Variants in STK24 observed in about 807,000 individuals in gnomAD.
The protein encoded by STK24 is serine/threonine-protein kinase 24.
Under a neutral mutation model 55.6 loss-of-function variants are expected in STK24, and 21 were observed. The observed-to-expected ratio is 0.38, with a 90% CI of 0.27 to 0.54. STK24 has a LOEUF of 0.54. Ranked by LOEUF, STK24 falls within the 20% of genes least tolerant of loss-of-function variation. The pLI, the probability that STK24 is intolerant of heterozygous loss-of-function variation, is 0.79. For synonymous variants in STK24, 200 were observed against 215.2 expected (o/e 0.93, Z 0.62); for missense variants, 383 against 538.4 (o/e 0.71, Z 2.86).
chr13:98,482,177 G>A, intron 3 of STK24, 88 bp downstream of exon 3: 2 of 662,196 alleles, frequency 3.0e-6, no homozygotes, highest in South Asian at 3.3e-5. Context: ...GAAAGAAAAA[G>A]AAATGGATAC....
At chr13:98,522,695 CT>C (rs1401141484) in intron 1 of STK24, among the ~76,000 whole-genome samples, 1 of 152,242 alleles carries the variant, frequency 6.6e-6, no homozygotes, top group East Asian at 1.9e-4. Context: ...CTTTGCTCAG[CT>C]GCAAGCTGAA....
chr13:98,575,998 AAG>A, intron 1 of STK24: 1 of 984,896 alleles, frequency 1.0e-6, no homozygotes. Flanking sequence ...CAAGTACCGA[AAG>A]AGAGGTTTAC....
At chr13:98,503,831 T>A (rs765368645) in intron 2 of STK24, among the ~76,000 whole-genome samples, 13 of 152,354 alleles carry the variant, frequency 8.5e-5, no homozygotes, top group Non-Finnish European at 1.8e-4. Flanking sequence ...TGTTCAGAGA[T>A]GTGACTGCCC....
chr13:98,512,589 T>TA (rs1248688301), intron 2 of STK24, among the ~76,000 whole-genome samples: 52 of 129,522 alleles, frequency 4.0e-4, no homozygotes, highest in African/African-American at 1.4e-3. Context: ...TTTTTTTTTT[T>TA]AAAAAGGGAA....
At chr13:98,530,116 C>T (rs566775174) in intron 1 of STK24, among the ~76,000 whole-genome samples, 5 of 28,422 alleles carry the variant, frequency 1.8e-4, no homozygotes, top group Non-Finnish European at 5.0e-4. Context: ...CACACACACA[C>T]GCACACACAC....
At position 98,510,400 on chromosome 13, in the gene STK24, A is replaced by G. The variant is rs1216453887; in HGVS notation, c.273+8843T>C. Among the ~76,000 whole-genome samples, 4 of 152,358 alleles carry G rather than the reference A, an allele frequency of 2.6e-5. No homozygotes were observed. The Middle Eastern group carries it at 0.01, about 389-fold the overall frequency. ...CAATTCAGATGGGGGCTCCCAAAACACATTTGACCCAATAACCCCACTCCC... is the reference window on the plus strand; with the variant it reads ...CAATTCAGATGGGGGCTCCCAAAACGCATTTGACCCAATAACCCCACTCCC... On this transcript the variant is annotated intron_variant, in intron 2 of 10. Transcript: ENST00000539966.
Position 98,453,068 on chromosome 13 carries a change from C to G in STK24, c.*105G>C. 1 of 1,360,196 alleles carries G rather than the reference C, an allele frequency of 7.4e-7. No homozygotes were observed. Among genetic ancestry groups the G allele is most frequent in the Non-Finnish European group, 1.0e-6 (1 of 973,088 alleles). 84.3% of individuals were successfully genotyped at this position (1,360,196 alleles called of 1,614,324 possible). ...CTGGCGCTGGGGTGGCTCCCAGTGG[C>G]GCACCTCTTCGGTGGAGTCAGCGAA... On this transcript the variant is annotated 3_prime_UTR_variant, in exon 11 of 11. Transcript: ENST00000539966.
intron 2 of STK24, 24 bp downstream of exon 2, chr13:98,519,219 G>A: frequency 6.3e-7 from 1 of 1,594,994 alleles, no homozygotes; most frequent in Non-Finnish European, 8.6e-7. Context: ...GCAGAACGGA[G>A]AAGCACGTTA....
intron 1 of STK24, among the ~76,000 whole-genome samples, chr13:98,545,368 C>T (rs1308880032): frequency 2.0e-5 from 3 of 152,100 alleles, no homozygotes; most frequent in Admixed American, 6.5e-5. Flanking sequence ...CAGACTAGGC[C>T]GGGCGCAGTG....
At chr13:98,512,973 C>G (rs943739780) in intron 2 of STK24, among the ~76,000 whole-genome samples, 5 of 152,182 alleles carry the variant, frequency 3.3e-5, no homozygotes, top group African/African-American at 9.7e-5. Context: ...GTAATCAGTC[C>G]CTGCTGCGAA....
Position 98,445,354 on chromosome 13 carries a change from C to T in STK24, c.*7819G>A, listed in dbSNP as rs1004892382. The T allele has an allele frequency of 6.6e-6, 1 of 152,264 alleles. No homozygotes were observed. Among genetic ancestry groups the T allele is most frequent in the African/African-American group, 2.4e-5 (1 of 41,466 alleles). The allele number at this position is 152,264 out of a possible 1,614,324, so 9.4% of individuals were successfully genotyped here. A position where few individuals can be genotyped will look rare whatever the true frequency, so the allele number is the denominator to read the frequency against. On this transcript the variant is annotated 3_prime_UTR_variant, in exon 11 of 11. Coordinates refer to ENST00000539966, the MANE Select transcript of STK24 (RefSeq NM_001032296.4). ...TTGGCAAAGGGACGAAATGAGCCACCAGTGCGTCAGGCCTGCTCAGAGTTG... is the reference window on the plus strand; with the variant it reads ...TTGGCAAAGGGACGAAATGAGCCACTAGTGCGTCAGGCCTGCTCAGAGTTG...
rs1327835429 is a variant in STK24, at chr13:98,448,504, C to CCA, written c.*4667_*4668dup. 32 of 588,908 alleles carry CCA rather than the reference C, an allele frequency of 5.4e-5. No individual in the cohort carries two copies. Among genetic ancestry groups the CCA allele is most frequent in the South Asian group, 1.2e-4 (6 of 49,332 alleles). 36.5% of individuals were successfully genotyped at this position (588,908 alleles called of 1,614,324 possible). ...CTCAGCGTCTGAATGAACAGCGCTCCCACCTCCAGTCCTGGCATCCGCTGG... is the reference window on the plus strand; with the variant it reads ...CTCAGCGTCTGAATGAACAGCGCTCCCACACCTCCAGTCCTGGCATCCGCTGG... On this transcript the variant is annotated 3_prime_UTR_variant, in exon 11 of 11. Coordinates refer to ENST00000539966, the MANE Select transcript of STK24 (RefSeq NM_001032296.4).
At chr13:98,484,497 G>C (rs1371648458) in intron 2 of STK24, among the ~76,000 whole-genome samples, 3 of 152,076 alleles carry the variant, frequency 2.0e-5, no homozygotes, top group African/African-American at 7.2e-5. Context: ...ATGACACCCT[G>C]GGAAACAATC....
chr13:98,561,506 C>T lies in STK24; in HGVS notation c.42+15239G>A, dbSNP rs879479375. ...CTGAGGCGCGAGAATCACTTGAAGC[C>T]GGGAGGCAGAGGTTGCAATGAGCGA... On this transcript the variant is annotated intron_variant, in intron 1 of 10. Coordinates refer to ENST00000539966, the MANE Select transcript of STK24 (RefSeq NM_001032296.4). 3.3e-5 allele frequency among the ~76,000 whole-genome samples: 5 copies of T among 151,894 alleles called. No homozygotes were observed. The East Asian group carries it at 5.8e-4, about 18-fold the overall frequency.
intron 1 of STK24, among the ~76,000 whole-genome samples, chr13:98,552,867 T>C (rs1897189624): frequency 6.6e-6 from 1 of 152,118 alleles, no homozygotes; most frequent in African/African-American, 2.4e-5. Context: ...AACTATCCTG[T>C]AGGACGCTCC....
intron 2 of STK24, among the ~76,000 whole-genome samples, chr13:98,497,542 C>G (rs1221665711): frequency 6.6e-6 from 1 of 152,210 alleles, no homozygotes; most frequent in Non-Finnish European, 1.5e-5. Context: ...CCCAATCTCA[C>G]ACTGCTTACC....
At chr13:98,543,689 G>A (rs538985017) in intron 1 of STK24, among the ~76,000 whole-genome samples, 61 of 152,262 alleles carry the variant, frequency 4.0e-4, no homozygotes, top group African/African-American at 1.4e-3. Flanking sequence ...CCCCAAGGAT[G>A]GTGCTGAACT....
chr13:98,515,317 T>G (rs1259006147), intron 2 of STK24, among the ~76,000 whole-genome samples: 2 of 152,144 alleles, frequency 1.3e-5, no homozygotes, highest in Non-Finnish European at 2.9e-5. Flanking sequence ...ACAGGCAGTT[T>G]CATTTTGACT....
At chr13:98,506,563 G>A (rs771743500) in intron 2 of STK24, among the ~76,000 whole-genome samples, 4 of 152,178 alleles carry the variant, frequency 2.6e-5, no homozygotes, top group African/African-American at 7.2e-5. Context: ...TCCCGTAGCC[G>A]AAGCAGCTCC....
Sources: allele counts gnomAD v4.1 joint callset (sites outside exome capture counted in the v4.1 genomes callset), GRCh38; gene constraint gnomAD v4.1.1; transcripts MANE v1.5; gene names NCBI Gene and HGNC (gene_info 2026-07-23, HGNC 2026-07-21).